Variants in SCAF11 observed in about 807,000 individuals in gnomAD.
SCAF11 encodes SR-related CTD associated factor 11, also known as protein SCAF11.
A neutral mutation model predicts 140.5 loss-of-function variants in SCAF11; 47 were observed. The ratio of observed to expected loss-of-function variants is 0.33; its 90% CI spans 0.26 to 0.43. SCAF11 has a LOEUF of 0.43. Ranked by LOEUF, SCAF11 falls within the 20% of genes least tolerant of loss-of-function variation. The pLI, the probability that SCAF11 is intolerant of heterozygous loss-of-function variation, is 1.00. For missense variants in SCAF11, 1,645 were observed against 1,705.1 expected, an observed-to-expected ratio of 0.96 and a Z score of 0.62; for synonymous variants, 557 against 579.4, an observed-to-expected ratio of 0.96 and a Z score of 0.55.
In SCAF11 at chr12:45,976,550, T is replaced by C. The variant is rs572893036; in HGVS notation, c.-21-12362A>G. On this transcript the variant is annotated intron_variant, in intron 1 of 14. Transcript: ENST00000369367. ...CCACATGGAAAAGGGGTAACTACTA[T>C]ACCCAGTTCCCTTCAAATCAGTCCA... is the stretch of plus-strand genomic sequence containing the variant. Among the ~76,000 whole-genome samples, 15 of 152,218 alleles carry C rather than the reference T, an allele frequency of 9.9e-5. No individual in the cohort carries two copies. In the South Asian group the frequency reaches 2.3e-3, roughly 23 times the overall value.
Position 45,922,105 on chromosome 12 carries a change from C to T in SCAF11, c.4335G>A (p.Lys1445=), listed in dbSNP as rs1944728449. Reference sequence around the variant, plus strand: ...CTTCCAGAGTTTTCTTTTGGCTCCCCTTCCGTGAATATTTGTATTTGTCTA... The same window carrying T: ...CTTCCAGAGTTTTCTTTTGGCTCCCTTTCCGTGAATATTTGTATTTGTCTA... ...AYVDKYKYSR[K]GSQKKTLEEP... The change falls in exon 15 of 15, where the codon AAG becomes AAA. Residue 1445 remains lysine, a synonymous_variant. Coordinates refer to ENST00000369367, the MANE Select transcript of SCAF11 (RefSeq NM_004719.3). 6.2e-7 allele frequency: 1 copy of T among 1,613,522 alleles called. No individual in the cohort carries two copies. The highest frequency in any genetic ancestry group is 8.5e-7 in the Non-Finnish European group (1 of 1,179,888).
chr12:45,921,799 G>C lies in SCAF11; in HGVS notation c.*249C>G. On this transcript the variant is annotated 3_prime_UTR_variant, in exon 15 of 15. Coordinates refer to ENST00000369367, the MANE Select transcript of SCAF11 (RefSeq NM_004719.3). The stretch of plus-strand genomic sequence containing the variant: ...CACACTATAACACAGTCCTAGTAAA[G>C]ATGCACATTCCTTTAAACCCTTTAC... 1 of 427,506 alleles carries C rather than the reference G, an allele frequency of 2.3e-6. No homozygotes were observed. Among genetic ancestry groups the C allele is most frequent in the Non-Finnish European group, 4.2e-6 (1 of 239,742 alleles). The allele number at this position is 427,506 out of a possible 1,614,324, so 26.5% of individuals were successfully genotyped here.
chr12:45,988,929 G>C (rs928552456), intron 1 of SCAF11, among the ~76,000 whole-genome samples: 3 of 152,080 alleles, frequency 2.0e-5, no homozygotes, highest in Non-Finnish European at 2.9e-5. Flanking sequence ...CAGATTATCC[G>C]ATAGGATAAT....
At chr12:45,969,338 A>AT (rs1234673617) in intron 1 of SCAF11, among the ~76,000 whole-genome samples, 10 of 151,740 alleles carry the variant, frequency 6.6e-5, no homozygotes, top group Admixed American at 6.6e-4. Context: ...CTTTCCTTCT[A>AT]TTTTTTTTCT....
chr12:45,989,389 AGTGGTAGCAT>A (rs1446132712), intron 1 of SCAF11, among the ~76,000 whole-genome samples: 1 of 152,260 alleles, frequency 6.6e-6, no homozygotes, highest in African/African-American at 2.4e-5. Flanking sequence ...ATCTTAGGTC[AGTGGTAGCAT>A]GTTAGCCAAA....
Position 45,919,280 on chromosome 12 carries a change from C to A in SCAF11, c.*2768G>T, listed in dbSNP as rs1379988979. 1 of 152,336 alleles carries A rather than the reference C, an allele frequency of 6.6e-6. No homozygotes were observed. Among genetic ancestry groups the A allele is most frequent in the Admixed American group, 6.5e-5 (1 of 15,272 alleles). 9.4% of individuals were successfully genotyped at this position (152,336 alleles called of 1,614,324 possible). Reference sequence around the variant, plus strand: ...AATCACTGTGCTTCTGAAGCTACATCTTTTGGATGGAACATTCCAGCAGTA... The same window carrying A: ...AATCACTGTGCTTCTGAAGCTACATATTTTGGATGGAACATTCCAGCAGTA... On this transcript the variant is annotated 3_prime_UTR_variant, in exon 15 of 15. Coordinates refer to ENST00000369367, the MANE Select transcript of SCAF11 (RefSeq NM_004719.3).
chr12:45,953,324 T>C (rs1945594512), intron 3 of SCAF11, among the ~76,000 whole-genome samples: 1 of 152,230 alleles, frequency 6.6e-6, no homozygotes, highest in Non-Finnish European at 1.5e-5. Flanking sequence ...TGGCATACCC[T>C]GTATGAAATT....
At chr12:45,924,629 G>T in intron 12 of SCAF11, 99 bp downstream of exon 12, 2 of 935,904 alleles carry the variant, frequency 2.1e-6, no homozygotes, top group Non-Finnish European at 1.6e-6. Context: ...ATAAACAATT[G>T]TTTTTGAATG....
At chr12:45,978,680 T>C (rs1204042628) in intron 1 of SCAF11, among the ~76,000 whole-genome samples, 1 of 152,072 alleles carries the variant, frequency 6.6e-6, no homozygotes, top group Non-Finnish European at 1.5e-5. Context: ...ATTTTTATCC[T>C]TTTAAGAAAA....
Position 45,926,977 on chromosome 12 carries a change from C to T in SCAF11, c.2724G>A (p.Arg908=). 1 of 1,612,832 alleles carries T rather than the reference C, an allele frequency of 6.2e-7. No individual in the cohort carries two copies. Among genetic ancestry groups the T allele is most frequent in the Non-Finnish European group, 8.5e-7 (1 of 1,180,012 alleles). Residue 908 remains arginine, a synonymous_variant, in exon 11 of 15, where the codon AGG becomes AGA. Coordinates refer to ENST00000369367, the MANE Select transcript of SCAF11 (RefSeq NM_004719.3). ...VKDSSPGEKS[R]SQSRERESDR... ...CACTTTCTCGTTCTCTGCTCTGGGA[C>T]CTGGATTTTTCTCCTGGGGAAGAAT...
intron 6 of SCAF11, among the ~76,000 whole-genome samples, chr12:45,936,034 C>G (rs1220329723): frequency 1.3e-5 from 2 of 152,068 alleles, no homozygotes; most frequent in East Asian, 3.8e-4. Context: ...ATGGAAATAC[C>G]CACTCTTGAT....
chr12:45,956,081 G>A (rs1592200127), intron 3 of SCAF11: 1 of 713,442 alleles, frequency 1.4e-6, no homozygotes, highest in Admixed American at 2.0e-5. Context: ...ACATTTAAAT[G>A]TAAGAACAAG....
Position 45,927,026 on chromosome 12 carries a change from T to C in SCAF11, c.2675A>G (p.Lys892Arg), listed in dbSNP as rs776043257. The C allele has an allele frequency of 1.9e-6, 3 of 1,613,870 alleles. No individual in the cohort carries two copies. Among genetic ancestry groups the C allele is most frequent in the East Asian group, 4.5e-5 (2 of 44,896 alleles). The stretch of plus-strand genomic sequence containing the variant: ...ATCTTTCACTCTTGGCTGAGATCTT[T>C]TGTTCTCTCTAGAAGTTTCTCTTCT... ...SPRRETSREN[K>R]RSQPRVKDSS... is the part of the protein sequence containing the mutation. The change falls in exon 11 of 15, where the codon AAA becomes AGA. Residue 892 changes from lysine to arginine, a missense_variant. This residue lies in a region of SCAF11 where 1,582 missense variants were observed against 1,609.2 expected (regional missense o/e 0.98). Transcript: ENST00000369367.
At chr12:45,975,292 T>C (rs1946207988) in intron 1 of SCAF11, 1 of 152,248 alleles carries the variant, frequency 6.6e-6, no homozygotes. Context: ...ACAGTCAGCC[T>C]GTCCTTGGAA....
intron 3 of SCAF11, among the ~76,000 whole-genome samples, chr12:45,953,072 G>GA (rs950881048): frequency 9.2e-5 from 14 of 152,090 alleles, no homozygotes; most frequent in African/African-American, 2.9e-4. Flanking sequence ...GCTTCAATGG[G>GA]AAAAAAGCTT....
intron 12 of SCAF11, among the ~76,000 whole-genome samples, chr12:45,923,685 ATTAT>A (rs1944769273): frequency 6.6e-6 from 1 of 151,768 alleles, no homozygotes. Context: ...ATTTTAATTA[ATTAT>A]TTATTTATTT....
chr12:45,927,053 G>A lies in SCAF11; in HGVS notation c.2648C>T (p.Pro883Leu), dbSNP rs752555665. 35 of 1,613,882 alleles carry A rather than the reference G, an allele frequency of 2.2e-5. No individual in the cohort carries two copies. The East Asian group carries it at 7.1e-4, about 33-fold the overall frequency. Residue 883 changes from proline to leucine, a missense_variant, in exon 11 of 15, where the codon CCA (proline) becomes CTA (leucine). By Grantham distance (98) the Pro-to-Leu change is moderately conservative. Transcript: ENST00000369367. ...RESRRSESLS[P>L]RRETSRENKR... Reference sequence around the variant, plus strand: ...GTTCTCTCTAGAAGTTTCTCTTCTTGGGGACAGTGATTCAGATCTTCTGCT... The same window carrying A: ...GTTCTCTCTAGAAGTTTCTCTTCTTAGGGACAGTGATTCAGATCTTCTGCT...
intron 1 of SCAF11, among the ~76,000 whole-genome samples, chr12:45,981,035 T>C (rs146895371): frequency 9.5e-4 from 144 of 152,286 alleles, no homozygotes; most frequent in African/African-American, 3.2e-3. Flanking sequence ...TAAAGAAATA[T>C]TGTCAAAGAG....
rs1373327986 is a variant in SCAF11 at position 45,964,809 on chromosome 12, T to C, written c.-21-621A>G. On this transcript the variant is annotated intron_variant, in intron 1 of 14. Coordinates refer to ENST00000369367, the MANE Select transcript of SCAF11 (RefSeq NM_004719.3). ...GGAATAGAGTTTTCAGAGAATGTGA[T>C]AGGTTAGATGTGTTGAGGAACTTCA... 2.0e-5 allele frequency among the ~76,000 whole-genome samples: 3 copies of C among 152,162 alleles called. No individual in the cohort carries two copies. The East Asian group carries it at 5.8e-4, about 29-fold the overall frequency.
Sources: gnomAD v4.1 joint callset for allele counts (sites outside exome capture counted in the v4.1 genomes callset) on GRCh38, gnomAD v4.1.1 for gene constraint, gnomAD v4.1.1 regional missense constraint, MANE v1.5 for transcripts, NCBI Gene and HGNC (gene_info 2026-07-23, HGNC 2026-07-21) for gene names.